The following TOX variants were observed in gnomAD, a reference collection of about 807,000 sequenced individuals.
TOX encodes thymocyte selection associated high mobility group box.
In TOX, 11 loss-of-function variants were observed where a neutral mutation model predicts 53.7. The observed-to-expected ratio is 0.20, with a 90% CI of 0.13 to 0.34. The LOEUF is 0.34. Ranked by LOEUF, TOX falls within the 10% of genes least tolerant of loss-of-function variation. The pLI is 1.00. For missense variants in TOX, 570 were observed against 664.6 expected (o/e 0.86, Z 1.56); for synonymous variants, 225 against 245.3 (o/e 0.92, Z 0.77).
intron 1 of TOX, among the ~76,000 whole-genome samples, chr8:59,013,497 G>A (rs540184243): frequency 2.4e-4 from 36 of 149,144 alleles, no homozygotes; most frequent in Middle Eastern, 3.5e-3. Flanking sequence ...TACAACCTCC[G>A]CCTCCCAAGT....
intron 2 of TOX, among the ~76,000 whole-genome samples, chr8:58,941,512 GT>G (rs1812439508): frequency 6.6e-6 from 1 of 152,164 alleles, no homozygotes; most frequent in South Asian, 2.1e-4. Flanking sequence ...TTATAAAGTA[GT>G]TTAATTGCTA....
At chr8:58,962,736 G>T (rs1220271099) in intron 1 of TOX, among the ~76,000 whole-genome samples, 4 of 152,168 alleles carry the variant, frequency 2.6e-5, no homozygotes, top group Non-Finnish European at 5.9e-5. Flanking sequence ...AGCCTGGGAG[G>T]TTGAGGCTGC....
At chr8:59,113,503 A>C (rs1348812478) in intron 1 of TOX, among the ~76,000 whole-genome samples, 1 of 152,174 alleles carries the variant, frequency 6.6e-6, no homozygotes, top group Non-Finnish European at 1.5e-5. Flanking sequence ...TCCAAATAGA[A>C]AATGGAATCA....
In TOX at chr8:58,911,659, C is replaced by G. The variant is rs1211516063; in HGVS notation, c.411+27643G>C. ...CTGCAGTGGAAGATGATCAAGGCAT[C>G]TCTGAGCAGAAAAAAACACATAAGA... On this transcript the variant is annotated intron_variant, in intron 3 of 8. Coordinates refer to ENST00000361421, the MANE Select transcript of TOX (RefSeq NM_014729.3). Among the ~76,000 whole-genome samples, 3 of 152,222 alleles carry G rather than the reference C, an allele frequency of 2.0e-5. 1 individual carries two copies. Among genetic ancestry groups the G allele is most frequent in the Non-Finnish European group, 2.9e-5 (2 of 68,018 alleles).
chr8:58,829,869 A>C (rs545985965), intron 5 of TOX, among the ~76,000 whole-genome samples: 1 of 152,308 alleles, frequency 6.6e-6, no homozygotes, highest in African/African-American at 2.4e-5. Flanking sequence ...AAATCTCTCA[A>C]AAACATTTCA....
intron 1 of TOX, among the ~76,000 whole-genome samples, chr8:59,052,474 T>C (rs967473682): frequency 6.6e-6 from 1 of 152,250 alleles, no homozygotes; most frequent in African/African-American, 2.4e-5. Context: ...TGCTGACTTT[T>C]ATAACTTTCT....
At chr8:59,033,887 C>A (rs766370791) in intron 1 of TOX, among the ~76,000 whole-genome samples, 2 of 152,144 alleles carry the variant, frequency 1.3e-5, no homozygotes, top group Non-Finnish European at 2.9e-5. Context: ...GCAGATAGGG[C>A]GGCCTCAACA....
chr8:59,096,347 C>T (rs1006208018), intron 1 of TOX, among the ~76,000 whole-genome samples: 1 of 152,148 alleles, frequency 6.6e-6, no homozygotes, highest in African/African-American at 2.4e-5. Context: ...TGCACTGTGG[C>T]AATTTATCTT....
chr8:58,967,988 G>A (rs529970963), intron 1 of TOX, among the ~76,000 whole-genome samples: 25 of 152,072 alleles, frequency 1.6e-4, no homozygotes, highest in Non-Finnish European at 2.9e-5. Flanking sequence ...AAGAGTCATC[G>A]ATTCTATTTT....
chr8:59,108,094 G>A (rs2129424782), intron 1 of TOX, among the ~76,000 whole-genome samples: 1 of 152,336 alleles, frequency 6.6e-6, no homozygotes, highest in Non-Finnish European at 1.5e-5. Context: ...ACATCAGCCA[G>A]AGAGCTAAGC....
In TOX at chr8:58,808,048, C is replaced by T. The variant is rs539950315; in HGVS notation, c.1544+70G>A. 6 of 1,533,688 alleles carry T rather than the reference C, an allele frequency of 3.9e-6. No individual in the cohort carries two copies. The Admixed American group carries it at 1.2e-4, about 32-fold the overall frequency. On this transcript the variant is annotated intron_variant, in intron 8 of 8. Transcript: ENST00000361421. Reference sequence around the variant, plus strand: ...GATCATGTTTTTGGAAACAAGAGAACGATCAACTAGGGACGATATGCATGC... The same window carrying T: ...GATCATGTTTTTGGAAACAAGAGAATGATCAACTAGGGACGATATGCATGC...
chr8:58,968,748 T>A (rs1474637259), intron 1 of TOX, among the ~76,000 whole-genome samples: 1 of 152,176 alleles, frequency 6.6e-6, no homozygotes, highest in African/African-American at 2.4e-5. Flanking sequence ...TCTACACATA[T>A]CTGGTTTGGA....
At chr8:59,025,805 A>G (rs565135788) in intron 1 of TOX, among the ~76,000 whole-genome samples, 10 of 152,130 alleles carry the variant, frequency 6.6e-5, no homozygotes, top group African/African-American at 2.2e-4. Flanking sequence ...CACTTCTCAT[A>G]CTGAAGCAGC....
intron 3 of TOX, among the ~76,000 whole-genome samples, chr8:58,882,736 C>G (rs1429760266): frequency 1.3e-5 from 2 of 152,320 alleles, no homozygotes; most frequent in South Asian, 4.1e-4. Flanking sequence ...AGTCAACTAC[C>G]ATCACTGAAA....
intron 1 of TOX, among the ~76,000 whole-genome samples, chr8:59,076,568 A>C (rs1419727652): frequency 6.6e-6 from 1 of 152,206 alleles, no homozygotes; most frequent in Non-Finnish European, 1.5e-5. Context: ...TCTATTCCTC[A>C]GAGAGATAAA....
chr8:58,933,923 G>C (rs938578964), intron 3 of TOX, among the ~76,000 whole-genome samples: 2 of 152,206 alleles, frequency 1.3e-5, no homozygotes, highest in African/African-American at 4.8e-5. Context: ...AGCCCTGCTG[G>C]TAAGAGGGTT....
intron 1 of TOX, among the ~76,000 whole-genome samples, chr8:59,101,460 T>C (rs900798115): frequency 1.3e-5 from 2 of 152,222 alleles, no homozygotes; most frequent in African/African-American, 2.4e-5. Context: ...ATAAGGAATC[T>C]ACATCTCTTA....
intron 1 of TOX, among the ~76,000 whole-genome samples, chr8:59,070,860 T>C (rs1282749997): frequency 6.6e-6 from 1 of 152,142 alleles, no homozygotes; most frequent in Non-Finnish European, 1.5e-5. Context: ...CAGAGGGGAA[T>C]GAGAGGTGGC....
At chr8:58,927,800 T>C (rs1009892368) in intron 3 of TOX, among the ~76,000 whole-genome samples, 2 of 152,112 alleles carry the variant, frequency 1.3e-5, no homozygotes, top group African/African-American at 2.4e-5. Flanking sequence ...GGGCTTCAGA[T>C]GCACAGACCA....
Sources: gnomAD v4.1 joint callset for allele counts (sites outside exome capture counted in the v4.1 genomes callset) on GRCh38, gnomAD v4.1.1 for gene constraint, MANE v1.5 for transcripts, NCBI Gene and HGNC (gene_info 2026-07-23, HGNC 2026-07-21) for gene names.